CADM2: variants seen among roughly 807,000 people sequenced by gnomAD.
CADM2 encodes the protein immunoglobulin superfamily member 4D.
In CADM2, 12 loss-of-function variants were observed where a neutral mutation model predicts 49.8. The ratio of observed to expected loss-of-function variants is 0.24; its 90% CI spans 0.15 to 0.39. The LOEUF (loss-of-function observed/expected upper bound fraction) is 0.39. Among genes scored for constraint, CADM2 ranks in the 10% least tolerant of loss-of-function variants. The pLI is 1.00. For missense variants in CADM2, 378 were observed against 492.3 expected (o/e 0.77, Z 2.20); for synonymous variants, 214 against 175.4 (o/e 1.22, Z -1.74).
chr3:84,988,752 T>C (rs552667274), intron 1 of CADM2, among the ~76,000 whole-genome samples: 3 of 152,300 alleles, frequency 2.0e-5, no homozygotes, highest in African/African-American at 7.2e-5. Flanking sequence ...AAACATTTTT[T>C]CATCCTATCT....
chr3:85,886,768 T>C (rs1327838321), intron 5 of CADM2, among the ~76,000 whole-genome samples: 2 of 152,158 alleles, frequency 1.3e-5, no homozygotes, highest in Non-Finnish European at 2.9e-5. Flanking sequence ...TAAACATCAA[T>C]AAATTTGATT....
At chr3:85,792,755 G>A (rs922268850) in intron 2 of CADM2, among the ~76,000 whole-genome samples, 5 of 152,186 alleles carry the variant, frequency 3.3e-5, no homozygotes, top group Non-Finnish European at 7.3e-5. Flanking sequence ...TGTTATTTTC[G>A]AAAGCAGAGT....
intron 1 of CADM2, among the ~76,000 whole-genome samples, chr3:85,443,261 G>A (rs1349825067): frequency 1.3e-5 from 2 of 151,990 alleles, no homozygotes; most frequent in Non-Finnish European, 2.9e-5. Context: ...CACACCTCCT[G>A]TATTATGCCT....
intron 6 of CADM2, among the ~76,000 whole-genome samples, chr3:85,914,260 G>T (rs1348931824): frequency 6.6e-6 from 1 of 152,002 alleles, no homozygotes; most frequent in Non-Finnish European, 1.5e-5. Context: ...TTTGTATTTT[G>T]GCTTTGGGAA....
chr3:85,062,037 G>GTC (rs994463032), intron 1 of CADM2, among the ~76,000 whole-genome samples: 3 of 150,544 alleles, frequency 2.0e-5, no homozygotes, highest in Admixed American at 6.6e-5. Context: ...CTGTCTCTCT[G>GTC]TCTCTCTCTC....
chr3:85,922,345 T>C (rs1719233556), intron 6 of CADM2, among the ~76,000 whole-genome samples: 1 of 152,086 alleles, frequency 6.6e-6, no homozygotes, highest in Admixed American at 6.6e-5. Context: ...TAATCCTCAA[T>C]GTATCAGGAA....
intron 7 of CADM2, among the ~76,000 whole-genome samples, chr3:85,941,037 T>C (rs1721828682): frequency 6.6e-6 from 1 of 152,068 alleles, no homozygotes. Context: ...CAAAGTCCAA[T>C]GTTTACATTA....
At chr3:85,976,678 A>T (rs960897170) in intron 8 of CADM2, among the ~76,000 whole-genome samples, 1 of 151,550 alleles carries the variant, frequency 6.6e-6, no homozygotes. Context: ...CTTTATGACA[A>T]GTCATTTTTT....
intron 1 of CADM2, among the ~76,000 whole-genome samples, chr3:85,514,093 G>A (rs182916756): frequency 2.0e-4 from 30 of 152,008 alleles, no homozygotes; most frequent in African/African-American, 6.5e-4. Flanking sequence ...TCATGTGCCA[G>A]GGCATCTAGA....
At chr3:85,310,116 A>G (rs1236445352) in intron 1 of CADM2, among the ~76,000 whole-genome samples, 1 of 152,216 alleles carries the variant, frequency 6.6e-6, no homozygotes, top group African/African-American at 2.4e-5. Flanking sequence ...GATGCCTTTC[A>G]CATGTGCCAT....
At chr3:85,261,070 C>A (rs1243806724) in intron 1 of CADM2, among the ~76,000 whole-genome samples, 2 of 151,942 alleles carry the variant, frequency 1.3e-5, no homozygotes, top group Non-Finnish European at 2.9e-5. Context: ...TTTCTATTAT[C>A]CCTAATTTCC....
chr3:85,991,904 C>A (rs775185494), intron 8 of CADM2, among the ~76,000 whole-genome samples: 2 of 151,960 alleles, frequency 1.3e-5, no homozygotes, highest in African/African-American at 4.8e-5. Flanking sequence ...GCTTATTTGA[C>A]TTAAAACAAT....
chr3:86,053,474 C>T (rs940334264), intron 8 of CADM2, among the ~76,000 whole-genome samples: 2 of 152,168 alleles, frequency 1.3e-5, no homozygotes, highest in Middle Eastern at 3.4e-3. Flanking sequence ...CCAATGTCTT[C>T]GTGGAATAGT....
At chr3:85,606,983 A>G (rs1422087591) in intron 1 of CADM2, among the ~76,000 whole-genome samples, 1 of 152,162 alleles carries the variant, frequency 6.6e-6, no homozygotes, top group Non-Finnish European at 1.5e-5. Flanking sequence ...AATTAGAAGA[A>G]GATACCATTA....
intron 1 of CADM2, among the ~76,000 whole-genome samples, chr3:85,275,467 A>G (rs949884326): frequency 6.6e-6 from 1 of 151,564 alleles, no homozygotes; most frequent in African/African-American, 2.4e-5. Context: ...AACTAAATAC[A>G]TAGACATAGA....
At chr3:85,344,882 T>A (rs964311252) in intron 1 of CADM2, among the ~76,000 whole-genome samples, 3 of 152,214 alleles carry the variant, frequency 2.0e-5, no homozygotes, top group Middle Eastern at 3.4e-3. Flanking sequence ...TCACCAAAAA[T>A]AACCTAAGAA....
chr3:85,882,517 C>T (rs933359528), intron 3 of CADM2, among the ~76,000 whole-genome samples: 1 of 152,132 alleles, frequency 6.6e-6, no homozygotes, highest in Non-Finnish European at 1.5e-5. Context: ...CTCACTCTTT[C>T]TACCTTTTAG....
intron 1 of CADM2, among the ~76,000 whole-genome samples, chr3:85,234,087 G>A (rs2042359058): frequency 6.6e-6 from 1 of 151,978 alleles, no homozygotes; most frequent in Admixed American, 6.6e-5. Context: ...TTTGCAGATA[G>A]GTTACCTGAG....
chr3:85,107,595 T>TTCTTTC (rs1553683745), intron 1 of CADM2, among the ~76,000 whole-genome samples: 2 of 148,906 alleles, frequency 1.3e-5, no homozygotes, highest in Non-Finnish European at 3.0e-5. Flanking sequence ...TTTTCTTTCT[T>TTCTTTC]TCTTTCTCTT....
Sources: gnomAD v4.1 joint callset for allele counts (sites outside exome capture counted in the v4.1 genomes callset) on GRCh38, gnomAD v4.1.1 for gene constraint, MANE v1.5 for transcripts, NCBI Gene and HGNC (gene_info 2026-07-23, HGNC 2026-07-21) for gene names.